Variants in GRM5 observed in about 807,000 individuals in gnomAD.
GRM5 encodes the protein metabotropic glutamate receptor 5.
Under a neutral mutation model 83.1 loss-of-function variants are expected in GRM5, and 19 were observed. The observed-to-expected ratio is 0.23, with a 90% CI of 0.16 to 0.34. The LOEUF (loss-of-function observed/expected upper bound fraction) is 0.34. Ranked by LOEUF, GRM5 falls within the 10% of genes least tolerant of loss-of-function variation. The pLI, the probability that GRM5 is intolerant of heterozygous loss-of-function variation, is 1.00. For synonymous variants in GRM5, 675 were observed against 633.6 expected (o/e 1.07, Z -0.98); for missense variants, 1,160 against 1,588.3 (o/e 0.73, Z 4.58).
intron 2 of GRM5, among the ~76,000 whole-genome samples, chr11:89,000,227 T>G (rs1195180098): frequency 6.6e-6 from 1 of 152,132 alleles, no homozygotes; most frequent in African/African-American, 2.4e-5. Flanking sequence ...ACCCTAAAAC[T>G]TAAAGTATAA....
chr11:88,815,857 G>A (rs1022063891), intron 3 of GRM5, among the ~76,000 whole-genome samples: 1 of 152,138 alleles, frequency 6.6e-6, no homozygotes, highest in South Asian at 2.1e-4. Context: ...AATGTTTGGG[G>A]GACAAGCATG....
intron 1 of GRM5, among the ~76,000 whole-genome samples, chr11:89,053,577 A>G (rs1474372988): frequency 1.3e-5 from 2 of 152,172 alleles, no homozygotes; most frequent in African/African-American, 4.8e-5. Flanking sequence ...AAATAGATAT[A>G]AAGTCACATC....
chr11:88,629,639 C>T (rs78933621), intron 4 of GRM5, among the ~76,000 whole-genome samples: 1 of 152,236 alleles, frequency 6.6e-6, no homozygotes, highest in East Asian at 1.9e-4. Context: ...ACTCGCTTAC[C>T]CACAGGATAC....
intron 9 of GRM5, chr11:88,523,044 C>G (rs1244933747): frequency 6.6e-6 from 1 of 152,144 alleles, no homozygotes; most frequent in Non-Finnish European, 1.5e-5. Context: ...ATTAAGACAG[C>G]CTTGAGCAAA....
chr11:88,860,349 A>C (rs1296005150), intron 2 of GRM5, among the ~76,000 whole-genome samples: 1 of 152,114 alleles, frequency 6.6e-6, no homozygotes, highest in African/African-American at 2.4e-5. Context: ...ACAGCTGAAG[A>C]CTTCGGTGCA....
intron 3 of GRM5, among the ~76,000 whole-genome samples, chr11:88,717,144 T>C (rs1156239590): frequency 6.6e-6 from 1 of 151,906 alleles, no homozygotes. Flanking sequence ...AATCACCTTC[T>C]CTAGACAAAG....
At chr11:88,827,566 TACCAG>T (rs1943913809) in intron 3 of GRM5, among the ~76,000 whole-genome samples, 3 of 152,224 alleles carry the variant, frequency 2.0e-5, no homozygotes, top group Non-Finnish European at 4.4e-5. Flanking sequence ...GCTTATTTTG[TACCAG>T]AACATAAAAC....
intron 3 of GRM5, among the ~76,000 whole-genome samples, chr11:88,843,125 G>T (rs1006306571): frequency 2.0e-5 from 3 of 152,230 alleles, no homozygotes; most frequent in Non-Finnish European, 4.4e-5. Flanking sequence ...AAGGTTTGTG[G>T]CAACTCTGTC....
chr11:88,826,100 A>C (rs927015680), intron 3 of GRM5, among the ~76,000 whole-genome samples: 1 of 152,156 alleles, frequency 6.6e-6, no homozygotes, highest in African/African-American at 2.4e-5. Context: ...TATATGAACA[A>C]ATGCGGGAGG....
intron 4 of GRM5, among the ~76,000 whole-genome samples, chr11:88,625,429 A>G (rs1326004727): frequency 6.6e-6 from 1 of 152,162 alleles, no homozygotes; most frequent in African/African-American, 2.4e-5. Context: ...TTATACAAAG[A>G]GTAATTTTTT....
intron 3 of GRM5, among the ~76,000 whole-genome samples, chr11:88,747,616 T>C (rs7479540): frequency 0.46 from 69,649 of 151,416 alleles, 18,338 homozygotes; most frequent in South Asian, 0.77. Context: ...TGCAGGTAGA[T>C]AAGAAAAATT....
chr11:88,548,257 C>T (rs753623125), intron 8 of GRM5, among the ~76,000 whole-genome samples: 7 of 152,238 alleles, frequency 4.6e-5, no homozygotes, highest in South Asian at 2.1e-4. Context: ...GCACCAGATA[C>T]GGTGCAGCAA....
chr11:88,557,885 A>G (rs142044400), intron 8 of GRM5, among the ~76,000 whole-genome samples: 107 of 151,782 alleles, frequency 7.0e-4, no homozygotes, highest in African/African-American at 2.5e-3. Context: ...TATTTCTCCT[A>G]ATGCTATCCC....
At chr11:88,671,978 T>C (rs1448752979) in intron 3 of GRM5, among the ~76,000 whole-genome samples, 4 of 152,046 alleles carry the variant, frequency 2.6e-5, no homozygotes, top group Non-Finnish European at 5.9e-5. Flanking sequence ...TAAAATTTAA[T>C]TTCTGATTAG....
At chr11:88,688,784 A>AGGGAAATAATTGTCTTT (rs1464933840) in intron 3 of GRM5, among the ~76,000 whole-genome samples, 1 of 152,088 alleles carries the variant, frequency 6.6e-6, no homozygotes, top group African/African-American at 2.4e-5. Flanking sequence ...GTTGCATAGT[A>AGGGAAATAATTGTCTTT]GGGAAATAAT....
At chr11:88,844,086 G>A (rs1320767000) in intron 3 of GRM5, among the ~76,000 whole-genome samples, 1 of 152,096 alleles carries the variant, frequency 6.6e-6, no homozygotes, top group African/African-American at 2.4e-5. Flanking sequence ...GGAAGAAGAT[G>A]CCATCTAACA....
chr11:88,623,281 T>A (rs1292815599), intron 4 of GRM5, among the ~76,000 whole-genome samples: 1 of 151,374 alleles, frequency 6.6e-6, no homozygotes, highest in Non-Finnish European at 1.5e-5. Context: ...TTTTTTTGTA[T>A]TTTTGTATTT....
At chr11:88,537,117 C>T (rs1262568865) in intron 8 of GRM5, among the ~76,000 whole-genome samples, 1 of 152,018 alleles carries the variant, frequency 6.6e-6, no homozygotes, top group African/African-American at 2.4e-5. Flanking sequence ...CTTAAAAACC[C>T]CTTATTTAAA....
intron 2 of GRM5, among the ~76,000 whole-genome samples, chr11:88,926,802 C>T (rs1945797038): frequency 6.6e-6 from 1 of 152,144 alleles, no homozygotes; most frequent in African/African-American, 2.4e-5. Flanking sequence ...GTGTTCTGTT[C>T]ATTGTTTATC....
Sources: allele counts gnomAD v4.1 joint callset (sites outside exome capture counted in the v4.1 genomes callset), GRCh38; gene constraint gnomAD v4.1.1; transcripts MANE v1.5; gene names NCBI Gene and HGNC (gene_info 2026-07-23, HGNC 2026-07-21).